The following OXLD1 variants were observed in gnomAD, a reference collection of about 807,000 sequenced individuals.
OXLD1 encodes the protein oxidoreductase-like domain-containing protein 1.
A neutral mutation model predicts 3.1 loss-of-function variants in OXLD1; 4 were observed. That is an observed-to-expected ratio of 1.28 (90% CI 0.63 to 2.92). The LOEUF (loss-of-function observed/expected upper bound fraction) is 2.92, where lower values mean the gene tolerates loss of function less well. Among genes scored for constraint, OXLD1 ranks in the 30% most tolerant of loss-of-function variants. The pLI, the probability that OXLD1 is intolerant of heterozygous loss-of-function variation, is 0.01. For missense variants in OXLD1, 240 were observed against 204.6 expected (o/e 1.17, Z -1.05); for synonymous variants, 100 against 87.0 (o/e 1.15, Z -0.83).
rs752319275 is a variant in OXLD1 at position 81,666,265 on chromosome 17, G to A, written c.60+253C>T. ...TCGGCAGATACTGAGAAACAGGAAA[G>A]TGGCCGTTCACCGGGCTGCTTCCTC... is the stretch of plus-strand genomic sequence containing the variant. On this transcript the variant is annotated intron_variant, in intron 1 of 1. Transcript: ENST00000374741. 5.5e-5 allele frequency: 27 copies of A among 489,584 alleles called. 1 individual carries two copies. In the South Asian group the frequency reaches 7.5e-4, roughly 14 times the overall value. 30.3% of individuals were successfully genotyped at this position (489,584 alleles called of 1,614,324 possible).
At position 81,665,602 on chromosome 17, in the gene OXLD1, CAT is replaced by C. The variant is rs747032232; in HGVS notation, c.61-20_61-19del. ...CGAGCCCCCTGAGGATGCAGACAAA[CAT>C]GTGACTCTCCAGGAAGCTGGTGAGG... On this transcript the variant is annotated intron_variant, in intron 1 of 1. Transcript: ENST00000374741. 1.0e-5 allele frequency: 16 copies of C among 1,558,736 alleles called. No individual in the cohort carries two copies. The highest frequency in any genetic ancestry group is 2.7e-5 in the African/African-American group (2 of 73,754).
At position 81,665,495 on chromosome 17, in the gene OXLD1, G is replaced by A. The variant is rs2036588124; in HGVS notation, c.150C>T (p.Ala50=). 2 of 1,612,850 alleles carry A rather than the reference G, an allele frequency of 1.2e-6. No individual in the cohort carries two copies. The highest frequency in any genetic ancestry group is 1.7e-6 in the Non-Finnish European group (2 of 1,179,736). ...TCCCGAATTTTCTGCGCCCATCAGG[G>A]GCTTGCGCTCCGGGATGGTGCCTTT... is the stretch of plus-strand genomic sequence containing the variant. ...FLQRHHPGAQ[A]PDGRRKFGTD... Residue 50 remains alanine (A), a synonymous_variant, in exon 2 of 2, where the codon GCC becomes GCT. Transcript: ENST00000374741.
At position 81,665,546 on chromosome 17, in the gene OXLD1, C is replaced by G. The variant is rs1319809800; in HGVS notation, c.99G>C (p.Arg33Ser). 3 of 1,605,224 alleles carry G rather than the reference C, an allele frequency of 1.9e-6. No individual in the cohort carries two copies. Among genetic ancestry groups the G allele is most frequent in the South Asian group, 2.2e-5 (2 of 90,672 alleles). Reference protein sequence around the residue: ...RRFSSPDCCQRLPGGGSFLQR... With the variant: ...RRFSSPDCCQSLPGGGSFLQR... Reference sequence around the variant, plus strand: ...GAAGAAAGCTGCCACCTCCAGGAAGCCTCTGGCAGCAGTCCGGGCTGGAGA... The same window carrying G: ...GAAGAAAGCTGCCACCTCCAGGAAGGCTCTGGCAGCAGTCCGGGCTGGAGA... The change falls in exon 2 of 2, where the codon AGG becomes AGC. Residue 33 changes from arginine (R) to serine (S), a missense_variant. Arg to Ser is a moderately radical substitution (Grantham distance 110). Coordinates refer to ENST00000374741, the MANE Select transcript of OXLD1 (RefSeq NM_001039842.3).
Position 81,665,435 on chromosome 17 carries a change from C to T in OXLD1, c.210G>A (p.Ala70=). ...ATGCCTTGGGCGGCCTGGTGCCGTC[C>T]GCACCTGCTTGGGAGCCCACCTCTA... ...DHVEVGSQAG[A]DGTRPPKASL... The change falls in exon 2 of 2, where the codon GCG becomes GCA. Residue 70 remains alanine (A), a synonymous_variant. Coordinates refer to ENST00000374741, the MANE Select transcript of OXLD1 (RefSeq NM_001039842.3). 1 of 1,613,464 alleles carries T rather than the reference C, an allele frequency of 6.2e-7. No individual in the cohort carries two copies. Among genetic ancestry groups the T allele is most frequent in the Non-Finnish European group, 8.5e-7 (1 of 1,180,028 alleles).
Position 81,665,478 on chromosome 17 carries a change from T to C in OXLD1, c.167A>G (p.Lys56Arg). Residue 56 changes from lysine to arginine, a missense_variant, in exon 2 of 2, where the codon AAA (lysine) becomes AGA (arginine). Transcript: ENST00000374741. The part of the protein sequence containing the change: ...PGAQAPDGRR[K>R]FGTDHVEVGS... ...CACCTCTACGTGGTCTGTCCCGAAT[T>C]TTCTGCGCCCATCAGGGGCTTGCGC... The C allele has an allele frequency of 6.2e-7, 1 of 1,613,250 alleles. No homozygotes were observed. Among genetic ancestry groups the C allele is most frequent in the African/African-American group, 1.3e-5 (1 of 75,020 alleles).
At chr17:81,666,381 G>A (rs867538970) in intron 1 of OXLD1, 137 bp downstream of exon 1, 5 of 1,054,260 alleles carry the variant, frequency 4.7e-6, no homozygotes, top group African/African-American at 1.7e-5. Flanking sequence ...TTCGGCGGCG[G>A]CCAGCGCGCG....
In OXLD1 at chr17:81,666,482, C is replaced by T; in HGVS notation, c.60+36G>A. ...CCCGGACAGCGGCCTCTCGGACGTG[C>T]CCTTCGGCGCTGCCAAGACCCGTCC... On this transcript the variant is annotated intron_variant, in intron 1 of 1. Transcript: ENST00000374741. The T allele has an allele frequency of 2.6e-6, 4 of 1,527,336 alleles. No homozygotes were observed. In the Middle Eastern group the frequency reaches 6.0e-4, roughly 229 times the overall value. 94.6% of individuals were successfully genotyped at this position (1,527,336 alleles called of 1,614,324 possible). A position where few individuals can be genotyped will look rare whatever the true frequency, so the allele number is the denominator to read the frequency against.
intron 1 of OXLD1, chr17:81,666,113 C>G: frequency 2.4e-6 from 1 of 420,542 alleles, no homozygotes. Flanking sequence ...CTGCCCTGCT[C>G]TATCTACCCA....
Position 81,665,063 on chromosome 17 carries a change from T to C in OXLD1, c.*138A>G. 8.3e-7 allele frequency: 1 copy of C among 1,204,262 alleles called. No homozygotes were observed. The highest frequency in any genetic ancestry group is 1.1e-6 in the Non-Finnish European group (1 of 881,830). The allele number at this position is 1,204,262 out of a possible 1,614,324, so 74.6% of individuals were successfully genotyped here. A position where few individuals can be genotyped will look rare whatever the true frequency, so the allele number is the denominator to read the frequency against. ...CTGTGAAACCACCATAGAGAATTTA[T>C]TTTTTTCTCAGGTGAAGTCAGTAAC... is the stretch of plus-strand genomic sequence containing the variant. On this transcript the variant is annotated 3_prime_UTR_variant, in exon 2 of 2. Coordinates refer to ENST00000374741, the MANE Select transcript of OXLD1 (RefSeq NM_001039842.3).
chr17:81,665,291 G>A lies in OXLD1; in HGVS notation c.354C>T (p.Ala118=). The part of the protein sequence containing the change: ...LQHFQDGGER[A]LAALEEHVAD... The stretch of plus-strand genomic sequence containing the variant: ...CCACGTGCTCCTCCAGGGCAGCCAG[G>A]GCCCGCTCCCCACCGTCCTGGAAGT... Residue 118 remains alanine (A), a synonymous_variant, in exon 2 of 2, where the codon GCC becomes GCT. Coordinates refer to ENST00000374741, the MANE Select transcript of OXLD1 (RefSeq NM_001039842.3). 1 of 1,613,532 alleles carries A rather than the reference G, an allele frequency of 6.2e-7. No individual in the cohort carries two copies.
chr17:81,666,551 T>C lies in OXLD1; in HGVS notation c.27A>G (p.Gly9=). Residue 9 remains glycine (G), a synonymous_variant, in exon 1 of 2, where the codon GGA becomes GGG. Transcript: ENST00000374741. ...GGACCGCGGCGGCTACCGCCCGGCC[T>C]CCCTCGACCACCCTCCGCAGCAGCA... MLLRRVVE[G]GRAVAAAVRG... 1 of 1,512,264 alleles carries C rather than the reference T, an allele frequency of 6.6e-7. No homozygotes were observed. Among genetic ancestry groups the C allele is most frequent in the Non-Finnish European group, 8.8e-7 (1 of 1,137,350 alleles). 93.7% of individuals were successfully genotyped at this position (1,512,264 alleles called of 1,614,324 possible). A position where few individuals can be genotyped will look rare whatever the true frequency, so the allele number is the denominator to read the frequency against.
At chr17:81,665,824 G>A (rs2036600184) in intron 1 of OXLD1, 1 of 552,234 alleles carries the variant, frequency 1.8e-6, no homozygotes, top group African/African-American at 1.9e-5. Flanking sequence ...ATCAGGGCCT[G>A]GCGCCGGGTG....
Position 81,665,604 on chromosome 17 carries a change from T to C in OXLD1, c.61-20A>G, listed in dbSNP as rs929839304. The C allele has an allele frequency of 1.3e-6, 2 of 1,557,408 alleles. No individual in the cohort carries two copies. The highest frequency in any genetic ancestry group is 1.4e-5 in the African/African-American group (1 of 73,826). On this transcript the variant is annotated intron_variant, in intron 1 of 1. Coordinates refer to ENST00000374741, the MANE Select transcript of OXLD1 (RefSeq NM_001039842.3). ...AGCCCCCTGAGGATGCAGACAAACA[T>C]GTGACTCTCCAGGAAGCTGGTGAGG...
At chr17:81,666,298 G>A (rs1395088296) in intron 1 of OXLD1, 134 of 528,280 alleles carry the variant, frequency 2.5e-4, no homozygotes, top group Non-Finnish European at 2.6e-5. Flanking sequence ...CTCTCCCAAG[G>A]CTAAGCGGCC....
At chr17:81,665,909 A>C (rs1352489000) in intron 1 of OXLD1, 1 of 423,268 alleles carries the variant, frequency 2.4e-6, no homozygotes, top group Admixed American at 4.0e-5. Context: ...TGTGGACACC[A>C]GTATGCGAGA....
At chr17:81,666,125 G>C (rs1423767673) in intron 1 of OXLD1, 1 of 424,666 alleles carries the variant, frequency 2.4e-6, no homozygotes, top group Non-Finnish European at 4.2e-6. Flanking sequence ...ATCTACCCAG[G>C]ATCACGGACT....
At chr17:81,666,309 C>T in intron 1 of OXLD1, 1 of 549,556 alleles carries the variant, frequency 1.8e-6, no homozygotes, top group South Asian at 2.5e-5. Flanking sequence ...CTAAGCGGCC[C>T]CTCCACAGAT....
At chr17:81,666,195 T>C (rs2036612297) in intron 1 of OXLD1, 1 of 452,430 alleles carries the variant, frequency 2.2e-6, no homozygotes, top group East Asian at 3.5e-5. Flanking sequence ...CCGCTCCATG[T>C]CCACGGCCAG....
chr17:81,665,432 G>A lies in OXLD1; in HGVS notation c.213C>T (p.Asp71=), dbSNP rs1437867235. Residue 71 remains aspartate (D), a synonymous_variant, in exon 2 of 2, where the codon GAC becomes GAT. Coordinates refer to ENST00000374741, the MANE Select transcript of OXLD1 (RefSeq NM_001039842.3). ...GCGATGCCTTGGGCGGCCTGGTGCC[G>A]TCCGCACCTGCTTGGGAGCCCACCT... ...HVEVGSQAGA[D]GTRPPKASLP... is the part of the protein sequence containing the mutation. 4 of 1,613,452 alleles carry A rather than the reference G, an allele frequency of 2.5e-6. No homozygotes were observed. The highest frequency in any genetic ancestry group is 1.3e-5 in the African/African-American group (1 of 75,038).
Sources: gnomAD v4.1 joint callset for allele counts on GRCh38, gnomAD v4.1.1 for gene constraint, MANE v1.5 for transcripts, NCBI Gene and HGNC (gene_info 2026-07-23, HGNC 2026-07-21) for gene names.